LOXHD1: variants seen among roughly 807,000 people sequenced by gnomAD.
LOXHD1 encodes the protein lipoxygenase homology PLAT domains 1.
LOXHD1 carries 205 observed loss-of-function variants against 248.2 expected under a neutral mutation model. That is an observed-to-expected ratio of 0.83 (90% confidence interval 0.74 to 0.93). The LOEUF (loss-of-function observed/expected upper bound fraction) is 0.93, where lower values mean the gene tolerates loss of function less well. LOXHD1 is among the 40% of genes least tolerant of loss of function. LOXHD1 has a pLI of 0.00. For synonymous variants in LOXHD1, 1,113 were observed against 1,162.8 expected, an observed-to-expected ratio of 0.96 and a Z score of 0.87; for missense variants, 2,930 against 2,971.6, an observed-to-expected ratio of 0.99 and a Z score of 0.33.
chr18:46,552,819 C>T (rs564190481), intron 21 of LOXHD1, among the ~76,000 whole-genome samples: 7 of 152,210 alleles, frequency 4.6e-5, no homozygotes, highest in South Asian at 2.1e-4. Context: ...CCTCCCTTTC[C>T]GTTTTTCCTG....
At chr18:46,649,005 A>G in intron 2 of LOXHD1, 150 bp downstream of exon 2, 1 of 662,584 alleles carries the variant, frequency 1.5e-6, no homozygotes, top group Non-Finnish European at 2.7e-6. Context: ...CAGCTGGTAC[A>G]CGGTCTGTCA....
At chr18:46,606,907 T>C (rs1015542739) in intron 6 of LOXHD1, among the ~76,000 whole-genome samples, 2 of 152,176 alleles carry the variant, frequency 1.3e-5, no homozygotes, top group African/African-American at 4.8e-5. Flanking sequence ...GGCTCACACC[T>C]GTAAACACAG....
chr18:46,590,275 G>A (rs184508249), intron 12 of LOXHD1, among the ~76,000 whole-genome samples: 1 of 152,178 alleles, frequency 6.6e-6, no homozygotes, highest in East Asian at 1.9e-4. Flanking sequence ...TGGGGATAAT[G>A]CATGCTGAGG....
chr18:46,589,470 G>T (rs2038125156), intron 12 of LOXHD1, among the ~76,000 whole-genome samples: 1 of 152,192 alleles, frequency 6.6e-6, no homozygotes, highest in Admixed American at 6.5e-5. Context: ...TCACAGGTGA[G>T]CACCAGGATG....
At chr18:46,647,011 G>A (rs1274871883) in intron 2 of LOXHD1, among the ~76,000 whole-genome samples, 1 of 152,196 alleles carries the variant, frequency 6.6e-6, no homozygotes, top group African/African-American at 2.4e-5. Flanking sequence ...CTGCTCTAGA[G>A]CACTCCTGAC....
At chr18:46,605,739 A>G (rs374047778) in intron 6 of LOXHD1, among the ~76,000 whole-genome samples, 1 of 152,164 alleles carries the variant, frequency 6.6e-6, no homozygotes, top group Non-Finnish European at 1.5e-5. Flanking sequence ...TTATTACCCA[A>G]CTGGAGCCAA....
At chr18:46,635,859 T>A (rs1346027453) in intron 4 of LOXHD1, among the ~76,000 whole-genome samples, 1 of 152,082 alleles carries the variant, frequency 6.6e-6, no homozygotes, top group Non-Finnish European at 1.5e-5. Context: ...GAAGATGAAA[T>A]GTGAGTTACT....
intron 20 of LOXHD1, chr18:46,557,875 C>T: frequency 2.6e-6 from 3 of 1,155,246 alleles, no homozygotes; most frequent in South Asian, 3.1e-5. Context: ...GCATAATCTG[C>T]TTCAATCACA....
At position 46,537,051 on chromosome 18, in the gene LOXHD1, T is replaced by C. The variant is rs528472074; in HGVS notation, c.4095+1105A>G. Among the ~76,000 whole-genome samples the C allele has an allele frequency of 7.9e-5, 12 of 152,346 alleles. No individual in the cohort carries two copies. The South Asian group carries it at 2.3e-3, about 29-fold the overall frequency. ...CAAGCCACATGCTTATTTCCACCTC[T>C]GAGCTGTTGGCCATGCTGTTCCCTC... On this transcript the variant is annotated intron_variant, in intron 26 of 40. Transcript: ENST00000642948.
At chr18:46,587,852 T>C (rs1012186368) in intron 12 of LOXHD1, among the ~76,000 whole-genome samples, 1 of 152,140 alleles carries the variant, frequency 6.6e-6, no homozygotes, top group Non-Finnish European at 1.5e-5. Flanking sequence ...AGCTGGCATG[T>C]GTATTGTCCA....
At chr18:46,552,144 T>C (rs536752825) in intron 21 of LOXHD1, among the ~76,000 whole-genome samples, 96 of 152,322 alleles carry the variant, frequency 6.3e-4, no homozygotes, top group African/African-American at 2.3e-3. Flanking sequence ...AATGTGAATA[T>C]ACTTAACACT....
intron 16 of LOXHD1, among the ~76,000 whole-genome samples, chr18:46,566,680 A>G (rs1449320857): frequency 1.3e-5 from 2 of 152,176 alleles, no homozygotes; most frequent in Non-Finnish European, 2.9e-5. Flanking sequence ...TCCTAAGCCC[A>G]GCACACCTCC....
At chr18:46,497,919 G>A (rs1182518279) in intron 37 of LOXHD1, among the ~76,000 whole-genome samples, 1 of 152,170 alleles carries the variant, frequency 6.6e-6, no homozygotes, top group Non-Finnish European at 1.5e-5. Flanking sequence ...GATGCACAGT[G>A]GGAGTTAGGT....
chr18:46,656,312 C>T (rs1025431182), intron 1 of LOXHD1, among the ~76,000 whole-genome samples: 3 of 152,194 alleles, frequency 2.0e-5, no homozygotes, highest in Non-Finnish European at 4.4e-5. Context: ...CAGTTCACTT[C>T]TTTGGTTTAC....
rs1229830060 is a variant in LOXHD1, at chr18:46,509,512, A to G, written c.5517+186T>C. 4.6e-6 allele frequency: 3 copies of G among 655,298 alleles called. No homozygotes were observed. The Admixed American group carries it at 6.7e-5, about 15-fold the overall frequency. The allele number at this position is 655,298 out of a possible 1,614,324, so 40.6% of individuals were successfully genotyped here. On this transcript the variant is annotated intron_variant, in intron 35 of 40. Coordinates refer to ENST00000642948, the MANE Select transcript of LOXHD1 (RefSeq NM_001384474.1). ...GTTGCTTCAGTTCTCACTGGACACAAATAAATAAAACGACATTCTCTGATT... is the reference window on the plus strand; with the variant it reads ...GTTGCTTCAGTTCTCACTGGACACAGATAAATAAAACGACATTCTCTGATT...
chr18:46,525,152 T>C (rs1451729376), intron 29 of LOXHD1, among the ~76,000 whole-genome samples: 1 of 152,202 alleles, frequency 6.6e-6, no homozygotes, highest in Non-Finnish European at 1.5e-5. Flanking sequence ...TGGAGAAAAC[T>C]GCCTTCACCA....
At chr18:46,559,667 C>T (rs2037469330) in intron 19 of LOXHD1, 65 bp from the exon 20 acceptor site, 2 of 1,498,216 alleles carry the variant, frequency 1.3e-6, no homozygotes, top group Middle Eastern at 1.7e-4. Flanking sequence ...ACCTGAGGCA[C>T]AGCCTCTCAG....
In LOXHD1 at chr18:46,542,759, A is replaced by G; in HGVS notation, c.3716T>C (p.Leu1239Pro). ...GTCATGGCCAAGCCGGACTTTCCAC[A>G]GGTCTCCCAGATCCAGCGTCTCCAC... ...FTVETLDLGDLWKVRLGHDNT... is the reference protein window; with the variant it reads ...FTVETLDLGDPWKVRLGHDNT... The change falls in exon 24 of 41, where the codon CTG (leucine) becomes CCG (proline). Residue 1239 changes from leucine to proline, a missense_variant. Leu to Pro is a moderately conservative substitution (Grantham distance 98). Transcript: ENST00000642948. 1.9e-6 allele frequency: 3 copies of G among 1,551,668 alleles called. No individual in the cohort carries two copies. Among genetic ancestry groups the G allele is most frequent in the Non-Finnish European group, 2.6e-6 (3 of 1,146,992 alleles).
At chr18:46,624,229 C>T (rs2038707739) in intron 4 of LOXHD1, among the ~76,000 whole-genome samples, 1 of 152,252 alleles carries the variant, frequency 6.6e-6, no homozygotes, top group Non-Finnish European at 1.5e-5. Context: ...ACACCCCTCA[C>T]TTCCGCTCAC....
Sources: allele counts gnomAD v4.1 joint callset (sites outside exome capture counted in the v4.1 genomes callset), GRCh38; gene constraint gnomAD v4.1.1; transcripts MANE v1.5; gene names NCBI Gene and HGNC (gene_info 2026-07-23, HGNC 2026-07-21).